Variants in JPT2 observed in about 807,000 individuals in gnomAD.
JPT2 encodes the protein Jupiter microtubule associated homolog 2, also known as CRAMP_1 like.
In JPT2, 9 loss-of-function variants were observed where a neutral mutation model predicts 15.9. That is an observed-to-expected ratio of 0.57 (90% CI 0.34 to 0.99). The LOEUF (loss-of-function observed/expected upper bound fraction) is 0.99. JPT2 is among the 50% of genes least tolerant of loss of function. The pLI, the probability that JPT2 is intolerant of heterozygous loss-of-function variation, is 0.02. For synonymous variants in JPT2, 95 were observed against 91.7 expected, an observed-to-expected ratio of 1.04 and a Z score of -0.21; for missense variants, 267 against 252.1, an observed-to-expected ratio of 1.06 and a Z score of -0.40.
intron 1 of JPT2, among the ~76,000 whole-genome samples, chr16:1,682,151 G>A (rs927307239): frequency 4.6e-5 from 7 of 152,192 alleles, no homozygotes; most frequent in South Asian, 4.2e-4. Flanking sequence ...CGAGGCGGGC[G>A]GATCACTTGA....
At position 1,698,001 on chromosome 16, in the gene JPT2, C is replaced by CT; in HGVS notation, c.385+142dup. On this transcript the variant is annotated intron_variant, in intron 4 of 4. Coordinates refer to ENST00000248098, the MANE Select transcript of JPT2 (RefSeq NM_144570.3). This position sits in a 1 kb window ranked among gnomAD's most constrained non-coding sequence, Gnocchi z 4.9. The stretch of plus-strand genomic sequence containing the variant: ...ATTAAAACGAGCTCAGGTGTATCCA[C>CT]TGCAAGAGGATTCAGCATTTGAAGA... 1.4e-6 allele frequency: 1 copy of CT among 715,418 alleles called. No individual in the cohort carries two copies. Among genetic ancestry groups the CT allele is most frequent in the Non-Finnish European group, 2.4e-6 (1 of 412,288 alleles). 44.3% of individuals were successfully genotyped at this position (715,418 alleles called of 1,614,324 possible).
At chr16:1,685,067 C>T (rs536213913) in intron 1 of JPT2, among the ~76,000 whole-genome samples, 16 of 152,230 alleles carry the variant, frequency 1.1e-4, no homozygotes, top group African/African-American at 3.6e-4. Flanking sequence ...TGGCTCATAC[C>T]TGTAATCACA....
rs2037181282 is a variant in JPT2 at position 1,701,683 on chromosome 16, C to G, written c.*2685C>G. On this transcript the variant is annotated 3_prime_UTR_variant, in exon 5 of 5. Coordinates refer to ENST00000248098, the MANE Select transcript of JPT2 (RefSeq NM_144570.3). Reference sequence around the variant, plus strand: ...TGTCCTTAAGGTGTTTAACCTGCCTCTGACCTGGCTTGCAATGCATAGGTG... The same window carrying G: ...TGTCCTTAAGGTGTTTAACCTGCCTGTGACCTGGCTTGCAATGCATAGGTG... 1 of 153,616 alleles carries G rather than the reference C, an allele frequency of 6.5e-6. No homozygotes were observed. The highest frequency in any genetic ancestry group is 2.4e-5 in the African/African-American group (1 of 41,350). 9.5% of individuals were successfully genotyped at this position (153,616 alleles called of 1,614,324 possible).
At position 1,701,329 on chromosome 16, in the gene JPT2, C is replaced by G. The variant is rs999125223; in HGVS notation, c.*2331C>G. ...GCTGTACCAAAACAAAAAGCCTGTACTCACATCACAATGTCATTTTGATAG... is the reference window on the plus strand; with the variant it reads ...GCTGTACCAAAACAAAAAGCCTGTAGTCACATCACAATGTCATTTTGATAG... On this transcript the variant is annotated 3_prime_UTR_variant, in exon 5 of 5. Coordinates refer to ENST00000248098, the MANE Select transcript of JPT2 (RefSeq NM_144570.3). The G allele has an allele frequency of 1.3e-5, 2 of 152,646 alleles. No individual in the cohort carries two copies. Among genetic ancestry groups the G allele is most frequent in the African/African-American group, 4.8e-5 (2 of 41,454 alleles). 9.5% of individuals were successfully genotyped at this position (152,646 alleles called of 1,614,324 possible). A position where few individuals can be genotyped will look rare whatever the true frequency, so the allele number is the denominator to read the frequency against.
At chr16:1,679,117 G>A (rs990591836) in intron 1 of JPT2, among the ~76,000 whole-genome samples, 2 of 152,200 alleles carry the variant, frequency 1.3e-5, no homozygotes, top group Non-Finnish European at 2.9e-5. Flanking sequence ...TTTGGGTATT[G>A]GGACTCGCAT....
chr16:1,696,236 CA>C (rs1044898257), intron 3 of JPT2, among the ~76,000 whole-genome samples: 1 of 128,172 alleles, frequency 7.8e-6, no homozygotes, highest in African/African-American at 3.8e-5. Flanking sequence ...CTCAAAAAAA[CA>C]AAAAACAAAC....
intron 1 of JPT2, 144 bp from the exon 2 acceptor site, chr16:1,685,295 T>C: frequency 1.2e-6 from 1 of 858,538 alleles, no homozygotes; most frequent in East Asian, 2.6e-5. Context: ...GTCACTGCGC[T>C]CCAGCCTGGG....
Position 1,684,975 on chromosome 16 carries a change from G to A in JPT2, c.45-464G>A, listed in dbSNP as rs1192979439. Among the ~76,000 whole-genome samples, 4 of 152,050 alleles carry A rather than the reference G, an allele frequency of 2.6e-5. No homozygotes were observed. The East Asian group carries it at 5.8e-4, about 22-fold the overall frequency. On this transcript the variant is annotated intron_variant, in intron 1 of 4. Coordinates refer to ENST00000248098, the MANE Select transcript of JPT2 (RefSeq NM_144570.3). ...GAGCAGCAGAAGTAGTCTGGCGTCT[G>A]TAAACTAGTCATACCAGTATTAACT...
At chr16:1,692,751 A>G (rs1160962766) in intron 3 of JPT2, among the ~76,000 whole-genome samples, 2 of 152,244 alleles carry the variant, frequency 1.3e-5, no homozygotes, top group Non-Finnish European at 2.9e-5. Context: ...ATAATTAGCG[A>G]TATTTTTTCA....
At chr16:1,686,170 A>G (rs1197847577) in intron 2 of JPT2, 3 of 150,804 alleles carry the variant, frequency 2.0e-5, no homozygotes, top group African/African-American at 7.4e-5. Flanking sequence ...CAGGAGATCG[A>G]GACCATCCTG....
chr16:1,685,381 C>A, intron 1 of JPT2, 58 bp from the exon 2 acceptor site: 10 of 1,580,598 alleles, frequency 6.3e-6, no homozygotes, highest in Non-Finnish European at 8.6e-6. Flanking sequence ...AAAATCCTTG[C>A]ACAGTGACAA....
intron 2 of JPT2, chr16:1,688,317 C>T (rs548071512): frequency 2.0e-5 from 3 of 152,258 alleles, no homozygotes; most frequent in Middle Eastern, 3.4e-3. Context: ...CAGACCTAGC[C>T]GGTAGCAGTG....
At chr16:1,693,890 A>G (rs750503437) in intron 3 of JPT2, among the ~76,000 whole-genome samples, 19 of 152,052 alleles carry the variant, frequency 1.2e-4, no homozygotes, top group Non-Finnish European at 2.4e-4. Flanking sequence ...TTGATTATCA[A>G]AAAGTGAAAT....
intron 1 of JPT2, chr16:1,680,522 G>C (rs1048510385): frequency 8.1e-7 from 1 of 1,227,890 alleles, no homozygotes; most frequent in African/African-American, 1.6e-5. Flanking sequence ...CTTCTGCTTG[G>C]GGTCCACCAG....
At chr16:1,696,247 CAAAA>C (rs1054425937) in intron 3 of JPT2, among the ~76,000 whole-genome samples, 2 of 150,024 alleles carry the variant, frequency 1.3e-5, no homozygotes, top group African/African-American at 2.5e-5. Flanking sequence ...AAAAAACAAA[CAAAA>C]AAGCCTGGGC....
chr16:1,694,892 T>C (rs537847995), intron 3 of JPT2, among the ~76,000 whole-genome samples: 1 of 152,294 alleles, frequency 6.6e-6, no homozygotes, highest in East Asian at 1.9e-4. Flanking sequence ...GAAGAAAATA[T>C]AGGGACAAAT....
chr16:1,693,086 C>T (rs2037115353), intron 3 of JPT2, among the ~76,000 whole-genome samples: 1 of 152,064 alleles, frequency 6.6e-6, no homozygotes, highest in Non-Finnish European at 1.5e-5. Context: ...GAGGTTTGGT[C>T]GTGTTTTTTC....
chr16:1,698,006 A>G lies in JPT2; in HGVS notation c.385+146A>G. On this transcript the variant is annotated intron_variant, in intron 4 of 4. Coordinates refer to ENST00000248098, the MANE Select transcript of JPT2 (RefSeq NM_144570.3). The surrounding 1 kb of genome is among the most constrained non-coding windows in gnomAD (Gnocchi z 4.9). ...AACGAGCTCAGGTGTATCCACTGCAAGAGGATTCAGCATTTGAAGAAGGCT... is the reference window on the plus strand; with the variant it reads ...AACGAGCTCAGGTGTATCCACTGCAGGAGGATTCAGCATTTGAAGAAGGCT... 1 of 702,598 alleles carries G rather than the reference A, an allele frequency of 1.4e-6. No homozygotes were observed. Among genetic ancestry groups the G allele is most frequent in the Admixed American group, 2.6e-5 (1 of 38,312 alleles). The allele number at this position is 702,598 out of a possible 1,614,324, so 43.5% of individuals were successfully genotyped here.
chr16:1,680,326 C>T (rs556174003), intron 1 of JPT2: 3 of 1,002,604 alleles, frequency 3.0e-6, no homozygotes, highest in East Asian at 1.1e-4. Context: ...CTGAGCGACG[C>T]CGATGTTTTT....
Sources: allele counts gnomAD v4.1 joint callset (sites outside exome capture counted in the v4.1 genomes callset), GRCh38; gene constraint gnomAD v4.1.1; non-coding constraint Gnocchi (gnomAD v3.1); transcripts MANE v1.5; gene names NCBI Gene and HGNC (gene_info 2026-07-23, HGNC 2026-07-21).